Variants in RPH3A observed in about 807,000 individuals in gnomAD.
The protein encoded by RPH3A is rabphilin-3A.
RPH3A carries 48 observed loss-of-function variants against 102.2 expected under a neutral mutation model. The observed-to-expected ratio is 0.47, with a 90% CI of 0.37 to 0.60. RPH3A has a LOEUF of 0.60. Among genes scored for constraint, RPH3A ranks in the 20% least tolerant of loss-of-function variants. The pLI, the probability that RPH3A is intolerant of heterozygous loss-of-function variation, is 0.00. For synonymous variants in RPH3A, 310 were observed against 324.3 expected (o/e 0.96, Z 0.47); for missense variants, 781 against 910.1 (o/e 0.86, Z 1.83).
intron 3 of RPH3A, among the ~76,000 whole-genome samples, chr12:112,829,442 AATTTCTTTTT>A (rs2041933573): frequency 6.6e-6 from 1 of 151,290 alleles, no homozygotes; most frequent in Non-Finnish European, 1.5e-5. Flanking sequence ...GGCTAACTTT[AATTTCTTTTT>A]GTAGAGATAG....
chr12:112,770,747 C>T (rs2040922139), intron 1 of RPH3A, among the ~76,000 whole-genome samples: 1 of 152,108 alleles, frequency 6.6e-6, no homozygotes, highest in Non-Finnish European at 1.5e-5. Flanking sequence ...GTTCCATCTT[C>T]ATTCAAAGAA....
chr12:112,714,756 C>T (rs956649783), intron 1 of RPH3A, among the ~76,000 whole-genome samples: 1 of 152,098 alleles, frequency 6.6e-6, no homozygotes, highest in Admixed American at 6.5e-5. Context: ...GGATTTAAGG[C>T]CACACTCAGG....
chr12:112,896,543 G>A (rs939266594), intron 21 of RPH3A, 107 bp from the exon 22 acceptor site: 2 of 1,286,810 alleles, frequency 1.6e-6, no homozygotes, highest in Non-Finnish European at 2.2e-6. Flanking sequence ...TGGATCCCAG[G>A]TTGCTGGGGG....
At chr12:112,723,026 G>T (rs917586493) in intron 1 of RPH3A, among the ~76,000 whole-genome samples, 10 of 152,188 alleles carry the variant, frequency 6.6e-5, no homozygotes, top group African/African-American at 2.2e-4. Flanking sequence ...GTAGGGAAAA[G>T]GGGGAGACAG....
intron 5 of RPH3A, among the ~76,000 whole-genome samples, chr12:112,853,700 A>G (rs1056505604): frequency 2.6e-5 from 4 of 152,048 alleles, no homozygotes; most frequent in Non-Finnish European, 5.9e-5. Context: ...GTGGTGGTGC[A>G]TGCCTGTAAT....
At chr12:112,818,406 T>C (rs1015561902) in intron 2 of RPH3A, among the ~76,000 whole-genome samples, 30 of 151,862 alleles carry the variant, frequency 2.0e-4, no homozygotes, top group African/African-American at 7.0e-4. Flanking sequence ...CAGGCATGGC[T>C]GGATCCAGCA....
At chr12:112,674,461 A>C (rs1566253112) in intron 1 of RPH3A, among the ~76,000 whole-genome samples, 1 of 152,210 alleles carries the variant, frequency 6.6e-6, no homozygotes, top group African/African-American at 2.4e-5. Context: ...TGCAGTGGGC[A>C]TCACATGGCA....
chr12:112,814,402 A>G (rs750374698), intron 2 of RPH3A, among the ~76,000 whole-genome samples: 86 of 152,148 alleles, frequency 5.7e-4, no homozygotes, highest in Non-Finnish European at 1.1e-3. Context: ...TGACAGCCCC[A>G]ACAAGTGGTT....
chr12:112,883,051 G>A (rs901483527), intron 15 of RPH3A, among the ~76,000 whole-genome samples: 4 of 152,142 alleles, frequency 2.6e-5, no homozygotes, highest in Non-Finnish European at 5.9e-5. Context: ...GAAAGTTCAA[G>A]GAGGAGGCTT....
chr12:112,812,050 G>GA (rs779523556), intron 2 of RPH3A, among the ~76,000 whole-genome samples: 2,994 of 126,326 alleles, frequency 0.024, 82 homozygotes, highest in African/African-American at 0.07. Context: ...CAGTTTAGCA[G>GA]AAAAAAAAAA....
intron 2 of RPH3A, among the ~76,000 whole-genome samples, chr12:112,807,573 GA>G (rs1177894216): frequency 6.6e-6 from 1 of 152,190 alleles, no homozygotes; most frequent in Non-Finnish European, 1.5e-5. Context: ...GGGAAATGAA[GA>G]TAACAATAAC....
intron 1 of RPH3A, among the ~76,000 whole-genome samples, chr12:112,772,682 T>TG (rs1333936885): frequency 6.6e-6 from 1 of 152,134 alleles, no homozygotes; most frequent in Non-Finnish European, 1.5e-5. Context: ...TATTGTCATT[T>TG]GGGGCATCAT....
intron 5 of RPH3A, among the ~76,000 whole-genome samples, chr12:112,848,958 T>C (rs1459461706): frequency 6.6e-6 from 1 of 152,078 alleles, no homozygotes; most frequent in Non-Finnish European, 1.5e-5. Context: ...TAGACCCGAA[T>C]ATCAAACAGG....
At chr12:112,859,858 A>G (rs1221629113) in intron 5 of RPH3A, among the ~76,000 whole-genome samples, 1 of 152,256 alleles carries the variant, frequency 6.6e-6, no homozygotes, top group East Asian at 1.9e-4. Context: ...CATTTTGGGA[A>G]CATTCCCCCC....
intron 1 of RPH3A, among the ~76,000 whole-genome samples, chr12:112,742,315 T>G (rs971057974): frequency 4.0e-5 from 6 of 151,858 alleles, no homozygotes; most frequent in African/African-American, 1.4e-4. Flanking sequence ...TCCGGGAAAT[T>G]GGAGAGGAAA....
chr12:112,588,352 C>A (rs11610244), intron 1 of RPH3A, among the ~76,000 whole-genome samples: 17,036 of 151,944 alleles, frequency 0.11, 1,115 homozygotes, highest in South Asian at 0.34. Flanking sequence ...ACAATCATGG[C>A]GGAAGGTGAA....
chr12:112,658,969 A>G (rs1197164100), intron 1 of RPH3A, among the ~76,000 whole-genome samples: 1 of 152,184 alleles, frequency 6.6e-6, no homozygotes, highest in Non-Finnish European at 1.5e-5. Context: ...CACTGTGCTT[A>G]ACACTCATAT....
chr12:112,675,837 T>C lies in RPH3A; in HGVS notation c.-140+100518T>C, dbSNP rs74914235. On this transcript the variant is annotated intron_variant, in intron 1 of 21. Transcript: ENST00000543106. ...ATCAGTGAGGGTCCTATCAGGAAAA[T>C]AGAAATGACACTGAGTTTTTAAGAC... Among the ~76,000 whole-genome samples the C allele has an allele frequency of 4.4e-4, 67 of 152,148 alleles. 1 individual carries two copies. The East Asian group carries it at 0.012, about 28-fold the overall frequency.
chr12:112,803,789 G>C (rs1472906174), intron 2 of RPH3A, among the ~76,000 whole-genome samples: 1 of 152,158 alleles, frequency 6.6e-6, no homozygotes, highest in African/African-American at 2.4e-5. Flanking sequence ...AGTATGCGCA[G>C]TCCTTAGAAG....
Sources: allele counts gnomAD v4.1 joint callset (sites outside exome capture counted in the v4.1 genomes callset), GRCh38; gene constraint gnomAD v4.1.1; transcripts MANE v1.5; gene names NCBI Gene and HGNC (gene_info 2026-07-23, HGNC 2026-07-21).